Variants in TENM3 observed in about 807,000 individuals in gnomAD.
TENM3 encodes the protein teneurin-3.
TENM3 carries 63 observed loss-of-function variants against 255.1 expected under a neutral mutation model. The observed-to-expected ratio is 0.25, with a 90% CI of 0.20 to 0.30. The LOEUF (loss-of-function observed/expected upper bound fraction) is 0.30, where lower values mean the gene tolerates loss of function less well. Among genes scored for constraint, TENM3 ranks in the 10% least tolerant of loss-of-function variants. TENM3 has a pLI of 1.00. For missense variants in TENM3, 2,929 were observed against 3,461.1 expected (o/e 0.85, Z 3.86); for synonymous variants, 1,306 against 1,322.3 (o/e 0.99, Z 0.27).
At chr4:182,623,007 GTC>G (rs957824566) in intron 4 of TENM3, among the ~76,000 whole-genome samples, 3 of 148,672 alleles carry the variant, frequency 2.0e-5, no homozygotes, top group African/African-American at 7.4e-5. Context: ...TTTAGACAGA[GTC>G]TCTTTTTTTT....
At chr4:182,236,530 A>G (rs573987832) in intron 1 of TENM3, among the ~76,000 whole-genome samples, 1 of 152,200 alleles carries the variant, frequency 6.6e-6, no homozygotes, top group Non-Finnish European at 1.5e-5. Context: ...ATTTCACATG[A>G]TTTTGTAGTG....
chr4:182,541,112 G>C (rs1466430244), intron 3 of TENM3, among the ~76,000 whole-genome samples: 2 of 152,238 alleles, frequency 1.3e-5, no homozygotes, highest in East Asian at 3.9e-4. Context: ...TCAAACAGTT[G>C]GTAAATGGTT....
intron 12 of TENM3, among the ~76,000 whole-genome samples, chr4:182,700,695 C>T (rs534252161): frequency 6.6e-6 from 1 of 152,310 alleles, no homozygotes; most frequent in African/African-American, 2.4e-5. Context: ...AATTTGAATA[C>T]TTTGCCAGCT....
the TENM3 span, among the ~76,000 whole-genome samples, chr4:181,474,313 T>C: frequency 9.2e-5 from 14 of 152,208 alleles, no homozygotes; most frequent in African/African-American, 3.4e-4. Flanking sequence ...ACTTAAAGTA[T>C]GATAAAAAAT....
At chr4:182,138,278 T>A in the TENM3 span, among the ~76,000 whole-genome samples, 1 of 152,376 alleles carries the variant, frequency 6.6e-6, no homozygotes, top group Middle Eastern at 3.4e-3. Context: ...GCGGTCATCA[T>A]CTTTATTAAT....
the TENM3 span, among the ~76,000 whole-genome samples, chr4:181,656,252 T>C: frequency 3.1e-3 from 468 of 151,966 alleles, 3 homozygotes; most frequent in African/African-American, 0.011. Context: ...GACCCCACAA[T>C]GTAGAAAGGA....
intron 3 of TENM3, among the ~76,000 whole-genome samples, chr4:182,389,718 C>G (rs1333187598): frequency 5.3e-5 from 6 of 113,170 alleles, no homozygotes; most frequent in Middle Eastern, 0.018. Context: ...CGGAGTCTCG[C>G]TCTGTCGCCC....
At chr4:181,589,553 G>T in the TENM3 span, among the ~76,000 whole-genome samples, 1 of 151,960 alleles carries the variant, frequency 6.6e-6, no homozygotes, top group Admixed American at 6.6e-5. Context: ...ATAATGTTTA[G>T]GGGGGGCAAA....
intron 1 of TENM3, among the ~76,000 whole-genome samples, chr4:182,180,075 C>T (rs1752749468): frequency 6.6e-6 from 1 of 151,404 alleles, no homozygotes. Context: ...TGGAATTGCA[C>T]ATGCACTAGA....
chr4:181,552,962 AC>A, the TENM3 span, among the ~76,000 whole-genome samples: 1 of 152,054 alleles, frequency 6.6e-6, no homozygotes, highest in African/African-American at 2.4e-5. Context: ...CACCACACAC[AC>A]TTCCTTTTGT....
intron 3 of TENM3, among the ~76,000 whole-genome samples, chr4:182,545,454 C>T (rs1741345923): frequency 6.6e-6 from 1 of 151,940 alleles, no homozygotes; most frequent in African/African-American, 2.4e-5. Flanking sequence ...TGCTTGGTTT[C>T]TAGCAGCCAG....
At chr4:182,101,188 G>A in the TENM3 span, among the ~76,000 whole-genome samples, 10 of 5,008 alleles carry the variant, frequency 2.0e-3, no homozygotes, top group East Asian at 5.1e-3. Flanking sequence ...GGAAAGAAGG[G>A]AGGGAGGAAG....
intron 1 of TENM3, among the ~76,000 whole-genome samples, chr4:182,295,843 G>A (rs143066635): frequency 1.3e-5 from 2 of 152,272 alleles, no homozygotes; most frequent in African/African-American, 4.8e-5. Context: ...TGTTTACCAC[G>A]TATATTTTAG....
chr4:181,894,745 A>G, the TENM3 span, among the ~76,000 whole-genome samples: 2 of 151,182 alleles, frequency 1.3e-5, no homozygotes, highest in Non-Finnish European at 2.9e-5. Context: ...AAAAAAAAAA[A>G]ACGGGGAAAT....
chr4:182,206,086 CAG>C (rs1403319544), intron 1 of TENM3, among the ~76,000 whole-genome samples: 1 of 151,534 alleles, frequency 6.6e-6, no homozygotes, highest in Non-Finnish European at 1.5e-5. Flanking sequence ...GCTAAACTAA[CAG>C]ATATAATAGG....
intron 3 of TENM3, among the ~76,000 whole-genome samples, chr4:182,416,610 T>C (rs1341470064): frequency 6.6e-6 from 1 of 151,994 alleles, no homozygotes; most frequent in African/African-American, 2.4e-5. Context: ...TAATAACTCG[T>C]GATTTAAATA....
chr4:182,592,019 T>C (rs1746699959), intron 3 of TENM3, among the ~76,000 whole-genome samples: 1 of 152,124 alleles, frequency 6.6e-6, no homozygotes, highest in African/African-American at 2.4e-5. Flanking sequence ...GACTACTAAA[T>C]GTCTGCAATG....
intron 4 of TENM3, among the ~76,000 whole-genome samples, chr4:182,618,329 C>T (rs1016474169): frequency 2.6e-5 from 4 of 151,870 alleles, no homozygotes; most frequent in Non-Finnish European, 5.9e-5. Context: ...TTATATTAAT[C>T]CCCTGAACAA....
chr4:182,569,670 C>T (rs895036065), intron 3 of TENM3, among the ~76,000 whole-genome samples: 1 of 151,882 alleles, frequency 6.6e-6, no homozygotes, highest in Admixed American at 6.6e-5. Flanking sequence ...AGCTACTTTA[C>T]GAAATGTGAC....
Sources: allele counts gnomAD v4.1 joint callset (sites outside exome capture counted in the v4.1 genomes callset), GRCh38; gene constraint gnomAD v4.1.1; transcripts MANE v1.5; gene names NCBI Gene and HGNC (gene_info 2026-07-23, HGNC 2026-07-21).